The following ELL2 variants were observed in gnomAD, a reference collection of about 807,000 sequenced individuals.
ELL2 encodes the protein RNA polymerase II elongation factor ELL2.
In ELL2, 21 loss-of-function variants were observed where a neutral mutation model predicts 72.8. That is an observed-to-expected ratio of 0.29 (90% CI 0.20 to 0.42). The LOEUF is 0.42. Ranked by LOEUF, ELL2 falls within the 10% of genes least tolerant of loss-of-function variation. The pLI is 1.00. For synonymous variants in ELL2, 266 were observed against 283.2 expected, an observed-to-expected ratio of 0.94 and a Z score of 0.61; for missense variants, 568 against 772.8, an observed-to-expected ratio of 0.73 and a Z score of 3.14.
intron 2 of ELL2, among the ~76,000 whole-genome samples, chr5:95,935,360 A>C (rs1750736141): frequency 6.6e-6 from 1 of 152,192 alleles, no homozygotes; most frequent in Non-Finnish European, 1.5e-5. Context: ...ATATGGGCAA[A>C]ATTTAACAAA....
intron 6 of ELL2, 55 bp downstream of exon 6, chr5:95,900,901 A>T: frequency 6.4e-7 from 1 of 1,570,198 alleles, no homozygotes; most frequent in Non-Finnish European, 8.6e-7. Context: ...ATAATGACTT[A>T]TTTCCATAAT....
intron 2 of ELL2, among the ~76,000 whole-genome samples, chr5:95,932,338 G>A (rs1750630646): frequency 1.3e-5 from 2 of 152,100 alleles, no homozygotes; most frequent in African/African-American, 4.8e-5. Flanking sequence ...ATTTATAATT[G>A]CAAGAAATAT....
chr5:95,907,296 A>ATATATATATATATTTTTTTTT, intron 4 of ELL2, among the ~76,000 whole-genome samples: 53 of 116,448 alleles, frequency 4.6e-4, no homozygotes, highest in African/African-American at 1.9e-3. Flanking sequence ...ATATATATAT[A>ATATATATATATATTTTTTTTT]TTTTTTTTTT....
chr5:95,925,211 T>A (rs1750241287), intron 2 of ELL2, among the ~76,000 whole-genome samples: 1 of 152,244 alleles, frequency 6.6e-6, no homozygotes, highest in Non-Finnish European at 1.5e-5. Context: ...GATAAGGTGA[T>A]TGTAAATGCT....
intron 2 of ELL2, among the ~76,000 whole-genome samples, chr5:95,921,310 A>G (rs1052775257): frequency 7.2e-5 from 11 of 152,368 alleles, no homozygotes; most frequent in Middle Eastern, 3.4e-3. Flanking sequence ...TTCACCAAAG[A>G]TACTATAGAT....
intron 2 of ELL2, among the ~76,000 whole-genome samples, chr5:95,934,891 T>G (rs1012924513): frequency 4.6e-5 from 7 of 152,220 alleles, no homozygotes; most frequent in African/African-American, 1.4e-4. Flanking sequence ...ATGTTCTGGT[T>G]TTTCTTATTT....
In ELL2 at chr5:95,917,300, G is replaced by A. The variant is rs115011208; in HGVS notation, c.317+2124C>T. ...AGAATCAAGGAAGTTTAAAAATATA[G>A]ATAAGAAGACTAGTTAATTTGTATT... On this transcript the variant is annotated intron_variant, in intron 3 of 11. Coordinates refer to ENST00000237853, the MANE Select transcript of ELL2 (RefSeq NM_012081.6). 9.0e-3 allele frequency among the ~76,000 whole-genome samples: 1,373 copies of A among 152,276 alleles called. 18 individuals are homozygous for A. Among genetic ancestry groups the A allele is most frequent in the African/African-American group, 0.032 (1,326 of 41,550 alleles).
At chr5:95,915,562 T>C (rs1408194849) in intron 3 of ELL2, among the ~76,000 whole-genome samples, 4 of 152,234 alleles carry the variant, frequency 2.6e-5, no homozygotes, top group Admixed American at 2.6e-4. Flanking sequence ...CTAACAGTTG[T>C]GGTCCCTCTT....
chr5:95,954,691 AG>A (rs886812449), intron 1 of ELL2, among the ~76,000 whole-genome samples: 1 of 140,540 alleles, frequency 7.1e-6, no homozygotes, highest in Non-Finnish European at 1.5e-5. Flanking sequence ...GCGCCCGCCT[AG>A]GCCTCCCAAA....
At chr5:95,945,724 A>T (rs1751132160) in intron 1 of ELL2, among the ~76,000 whole-genome samples, 2 of 152,170 alleles carry the variant, frequency 1.3e-5, no homozygotes, top group African/African-American at 4.8e-5. Flanking sequence ...TTCCAAGGAG[A>T]GAGAATACCC....
At chr5:95,919,592 C>T (rs376199132) in intron 2 of ELL2, 47 bp from the exon 3 acceptor site, 2 of 1,522,542 alleles carry the variant, frequency 1.3e-6, no homozygotes, top group South Asian at 1.3e-5. Context: ...ATAAATTTGC[C>T]ATAGAAAAGT....
Position 95,891,243 on chromosome 5 carries a change from G to T in ELL2, c.1621C>A (p.Arg541Ser). 1 of 1,613,710 alleles carries T rather than the reference G, an allele frequency of 6.2e-7. No individual in the cohort carries two copies. The highest frequency in any genetic ancestry group is 8.5e-7 in the Non-Finnish European group (1 of 1,179,934). ...KYIAIVSYEQ[R>S]QNYKDDFNAE... Reference sequence around the variant, plus strand: ...TTGAAGTCATCCTTATAATTCTGGCGTTGCTCATAGGAGACGATAGCGATA... The same window carrying T: ...TTGAAGTCATCCTTATAATTCTGGCTTTGCTCATAGGAGACGATAGCGATA... The change falls in exon 10 of 12, where the codon CGC becomes AGC. Residue 541 changes from arginine to serine, a missense_variant. By Grantham distance (110) the Arg-to-Ser change is moderately radical. This residue lies in a region of ELL2 where 511 missense variants were observed against 728.4 expected (regional missense o/e 0.70). Coordinates refer to ENST00000237853, the MANE Select transcript of ELL2 (RefSeq NM_012081.6).
At chr5:95,937,265 A>C (rs1750809563) in intron 2 of ELL2, among the ~76,000 whole-genome samples, 1 of 152,164 alleles carries the variant, frequency 6.6e-6, no homozygotes, top group Non-Finnish European at 1.5e-5. Flanking sequence ...TTCCTCAGGC[A>C]CCACAAACAT....
intron 2 of ELL2, among the ~76,000 whole-genome samples, chr5:95,937,188 G>T (rs1750806502): frequency 6.6e-6 from 1 of 152,126 alleles, no homozygotes; most frequent in Non-Finnish European, 1.5e-5. Flanking sequence ...GCTTTGGGGG[G>T]CTTGTCTTGC....
intron 2 of ELL2, among the ~76,000 whole-genome samples, chr5:95,923,271 T>C (rs541752054): frequency 1.3e-5 from 2 of 151,736 alleles, no homozygotes; most frequent in South Asian, 4.2e-4. Context: ...GAGTAACTTA[T>C]CTGCAGAGTG....
chr5:95,892,723 A>G (rs1397713217), intron 9 of ELL2, among the ~76,000 whole-genome samples: 1 of 152,206 alleles, frequency 6.6e-6, no homozygotes, highest in Admixed American at 6.5e-5. Context: ...TAAATTACTA[A>G]TATCACAGAC....
At chr5:95,954,447 C>CA (rs1751542535) in intron 1 of ELL2, among the ~76,000 whole-genome samples, 1 of 148,022 alleles carries the variant, frequency 6.8e-6, no homozygotes, top group African/African-American at 2.5e-5. Context: ...TGCTCTGTCG[C>CA]CCAGGCTGGA....
chr5:95,939,734 G>A (rs1750901855), intron 2 of ELL2, among the ~76,000 whole-genome samples: 1 of 152,142 alleles, frequency 6.6e-6, no homozygotes, highest in African/African-American at 2.4e-5. Context: ...ATTATCACCT[G>A]TCACATTTTC....
At position 95,902,457 on chromosome 5, in the gene ELL2, C is replaced by A. The variant is rs528302135; in HGVS notation, c.742-1377G>T. Among the ~76,000 whole-genome samples, 45 of 152,302 alleles carry A rather than the reference C, an allele frequency of 3.0e-4. No individual in the cohort carries two copies. The Middle Eastern group carries it at 0.01, about 35-fold the overall frequency. Reference sequence around the variant, plus strand: ...GTTTCGCGGCTTAGCCATTAACTAACTACACAAACATACAGGTTCACGTGC... The same window carrying A: ...GTTTCGCGGCTTAGCCATTAACTAAATACACAAACATACAGGTTCACGTGC... On this transcript the variant is annotated intron_variant, in intron 5 of 11. Coordinates refer to ENST00000237853, the MANE Select transcript of ELL2 (RefSeq NM_012081.6).
Sources: allele counts gnomAD v4.1 joint callset (sites outside exome capture counted in the v4.1 genomes callset), GRCh38; gene constraint gnomAD v4.1.1; regional missense constraint gnomAD v4.1.1; transcripts MANE v1.5; gene names NCBI Gene and HGNC (gene_info 2026-07-23, HGNC 2026-07-21).